CTXN2: variants seen among roughly 807,000 people sequenced by gnomAD.
CTXN2 encodes cortexin-2.
CTXN2 carries 3 observed loss-of-function variants against 5.7 expected under a neutral mutation model. That is an observed-to-expected ratio of 0.53 (90% confidence interval 0.24 to 1.36). The LOEUF (loss-of-function observed/expected upper bound fraction) is 1.36. Among genes scored for constraint, CTXN2 ranks in the 40% most tolerant of loss-of-function variants. The pLI is 0.17. For synonymous variants in CTXN2, 38 were observed against 36.4 expected (o/e 1.04, Z -0.16); for missense variants, 87 against 93.0 (o/e 0.94, Z 0.26).
At chr15:48,188,881 T>C (rs2040785276), upstream of CTXN2, among the ~76,000 whole-genome samples, 1 of 152,188 alleles carries the variant, frequency 6.6e-6, no homozygotes, top group Non-Finnish European at 1.5e-5. Context: ...CATCCCTTCT[T>C]TGGCAATGGC....
upstream of CTXN2, among the ~76,000 whole-genome samples, chr15:48,187,790 T>G (rs540183985): frequency 4.6e-5 from 7 of 152,344 alleles, no homozygotes; most frequent in South Asian, 1.4e-3. Context: ...TCTAACAAGG[T>G]GGACAATTAA....
In CTXN2 at chr15:48,203,011, CTT is replaced by C. The variant is rs1410858725; in HGVS notation, c.*1466_*1467del. 2 of 166,828 alleles carry C rather than the reference CTT, an allele frequency of 1.2e-5. No homozygotes were observed. Among genetic ancestry groups the C allele is most frequent in the African/African-American group, 4.8e-5 (2 of 41,436 alleles). 10.3% of individuals were successfully genotyped at this position (166,828 alleles called of 1,614,324 possible). A position where few individuals can be genotyped will look rare whatever the true frequency, so the allele number is the denominator to read the frequency against. Reference sequence around the variant, plus strand: ...AGTTACTTTCAATTTATTTGATACTCTTATAAATTCTTTGAGTTGGAGACTAC... The same window carrying C: ...AGTTACTTTCAATTTATTTGATACTCATAAATTCTTTGAGTTGGAGACTAC... On this transcript the variant is annotated 3_prime_UTR_variant, in exon 2 of 2. Transcript: ENST00000417307.
At chr15:48,178,523 C>T (rs563379639) in intron 1 of CTXN2, 2 of 352,318 alleles carry the variant, frequency 5.7e-6, no homozygotes, top group Non-Finnish European at 1.0e-5. Context: ...GTCCTGAAAG[C>T]CCCCGGTGGT....
At chr15:48,185,140 G>T (rs570470812) in intron 1 of CTXN2, among the ~76,000 whole-genome samples, 1 of 152,244 alleles carries the variant, frequency 6.6e-6, no homozygotes, top group East Asian at 1.9e-4. Context: ...AGGGGTTTGT[G>T]AGGGGAAGAG....
At chr15:48,199,216 T>A (rs1290021534) in intron 1 of CTXN2, among the ~76,000 whole-genome samples, 1 of 152,164 alleles carries the variant, frequency 6.6e-6, no homozygotes, top group Non-Finnish European at 1.5e-5. Context: ...TGATTGAGTA[T>A]GGTCTTCCCT....
chr15:48,188,788 AT>A (rs1421315794), upstream of CTXN2, among the ~76,000 whole-genome samples: 1 of 151,990 alleles, frequency 6.6e-6, no homozygotes, highest in African/African-American at 2.4e-5. Context: ...CCTTTCAGCA[AT>A]TTTTTTTGTA....
chr15:48,192,342 G>A (rs1234074586), intron 1 of CTXN2: 2 of 153,478 alleles, frequency 1.3e-5, no homozygotes, highest in African/African-American at 4.8e-5. Flanking sequence ...TTCTCTTAAG[G>A]TTGAAATCTG....
At chr15:48,197,430 G>A (rs1490776760) in intron 1 of CTXN2, among the ~76,000 whole-genome samples, 2 of 151,760 alleles carry the variant, frequency 1.3e-5, no homozygotes, top group African/African-American at 4.8e-5. Context: ...ATATAGATAT[G>A]GATATATAGA....
chr15:48,186,749 A>T (rs184828623), upstream of CTXN2, among the ~76,000 whole-genome samples: 8 of 151,972 alleles, frequency 5.3e-5, no homozygotes, highest in East Asian at 1.9e-4. Context: ...AAATACAAAA[A>T]AAAAATAAAA....
chr15:48,180,507 T>G (rs978196158), intron 1 of CTXN2, among the ~76,000 whole-genome samples: 1 of 152,150 alleles, frequency 6.6e-6, no homozygotes, highest in African/African-American at 2.4e-5. Context: ...TTTTGGTTTG[T>G]TTTGTTTTGT....
intron 1 of CTXN2, among the ~76,000 whole-genome samples, chr15:48,192,892 A>G (rs1218653844): frequency 1.3e-5 from 2 of 152,196 alleles, no homozygotes; most frequent in Non-Finnish European, 2.9e-5. Flanking sequence ...TTGTTGCATG[A>G]TTAAATGATT....
chr15:48,182,191 CT>C (rs904478835), intron 1 of CTXN2, among the ~76,000 whole-genome samples: 169 of 151,134 alleles, frequency 1.1e-3, no homozygotes, highest in African/African-American at 3.7e-3. Flanking sequence ...TTTAGGAGTT[CT>C]TTTTTTTTAG....
At position 48,179,444 on chromosome 15, in the gene CTXN2, C is replaced by A. The variant is rs997263701; in HGVS notation, c.-455+1044C>A. 3.3e-5 allele frequency among the ~76,000 whole-genome samples: 5 copies of A among 152,208 alleles called. 1 individual carries two copies. The South Asian group carries it at 1.0e-3, about 32-fold the overall frequency. On this transcript the variant is annotated intron_variant, in intron 1 of 2. Transcript: ENST00000644354. ...ACACACACACACATACACAAACACA[C>A]ACACACATAATCAGAACATTTTAAT...
chr15:48,182,833 G>T (rs2040710878), intron 1 of CTXN2, among the ~76,000 whole-genome samples: 1 of 152,166 alleles, frequency 6.6e-6, no homozygotes, highest in African/African-American at 2.4e-5. Context: ...AGGAGCTATT[G>T]CTAGAGTTTG....
intron 1 of CTXN2, among the ~76,000 whole-genome samples, chr15:48,180,975 G>C (rs2040697525): frequency 6.6e-6 from 1 of 152,164 alleles, no homozygotes; most frequent in African/African-American, 2.4e-5. Flanking sequence ...TAATCACTTA[G>C]TTTTCTTTCT....
chr15:48,192,852 CT>C (rs2040837103), intron 1 of CTXN2, among the ~76,000 whole-genome samples: 1 of 152,104 alleles, frequency 6.6e-6, no homozygotes. Context: ...TGGGTACACA[CT>C]TTTTAACATT....
chr15:48,197,536 T>A (rs192401189), intron 1 of CTXN2, among the ~76,000 whole-genome samples: 49 of 152,230 alleles, frequency 3.2e-4, no homozygotes, highest in African/African-American at 1.2e-3. Flanking sequence ...CACTGTACTC[T>A]AGTACCAAGA....
chr15:48,190,894 T>C (rs1567292320), upstream of CTXN2: 3 of 152,384 alleles, frequency 2.0e-5, no homozygotes, highest in East Asian at 3.8e-4. Flanking sequence ...GTCGGTTAGG[T>C]TTAGAATCTA....
chr15:48,201,768 G>A lies in CTXN2; in HGVS notation c.*222G>A, dbSNP rs889579223. The stretch of plus-strand genomic sequence containing the variant: ...AGGTTTCCAATGAATAGAGCATAAG[G>A]ATGGCTGCCGCCATGTTTACCATCT... On this transcript the variant is annotated 3_prime_UTR_variant, in exon 2 of 2. Coordinates refer to ENST00000417307, the MANE Select transcript of CTXN2 (RefSeq NM_001145668.2). 2.4e-5 allele frequency: 13 copies of A among 543,602 alleles called. No individual in the cohort carries two copies. Among genetic ancestry groups the A allele is most frequent in the Non-Finnish European group, 4.4e-5 (13 of 297,268 alleles). 33.7% of individuals were successfully genotyped at this position (543,602 alleles called of 1,614,324 possible).
Sources: gnomAD v4.1 joint callset for allele counts (sites outside exome capture counted in the v4.1 genomes callset) on GRCh38, gnomAD v4.1.1 for gene constraint, MANE v1.5 for transcripts, NCBI Gene and HGNC (gene_info 2026-07-23, HGNC 2026-07-21) for gene names.